Variants in GPC5 observed in about 807,000 individuals in gnomAD.
GPC5 encodes glypican 5, also known as glypican-5.
GPC5 carries 47 observed loss-of-function variants against 53.9 expected under a neutral mutation model. That is an observed-to-expected ratio of 0.87 (90% confidence interval 0.69 to 1.11). The LOEUF (loss-of-function observed/expected upper bound fraction) is 1.11. GPC5 is among the 50% of genes most tolerant of loss of function. The pLI, the probability that GPC5 is intolerant of heterozygous loss-of-function variation, is 0.00. For missense variants in GPC5, 748 were observed against 713.1 expected, an observed-to-expected ratio of 1.05 and a Z score of -0.56; for synonymous variants, 286 against 263.3, an observed-to-expected ratio of 1.09 and a Z score of -0.84.
intron 7 of GPC5, among the ~76,000 whole-genome samples, chr13:92,723,027 TA>T (rs894956231): frequency 2.6e-5 from 4 of 151,748 alleles, no homozygotes; most frequent in Non-Finnish European, 4.4e-5. Context: ...GATTTTGAAA[TA>T]GACAGAACCG....
At chr13:92,114,856 G>A (rs982843881) in intron 6 of GPC5, among the ~76,000 whole-genome samples, 1 of 152,180 alleles carries the variant, frequency 6.6e-6, no homozygotes, top group African/African-American at 2.4e-5. Context: ...GTAATGGGGA[G>A]TATTTTTCAA....
At chr13:91,458,373 C>T (rs991002839) in intron 2 of GPC5, among the ~76,000 whole-genome samples, 13 of 152,114 alleles carry the variant, frequency 8.5e-5, no homozygotes, top group African/African-American at 3.1e-4. Context: ...TGTCTTCCCA[C>T]AGCCAACATT....
intron 1 of GPC5, among the ~76,000 whole-genome samples, chr13:91,430,647 C>G (rs910950750): frequency 3.3e-5 from 5 of 152,144 alleles, no homozygotes; most frequent in Non-Finnish European, 7.4e-5. Context: ...AAGAAGCCTT[C>G]TGTAAAACTG....
intron 7 of GPC5, among the ~76,000 whole-genome samples, chr13:92,519,092 T>C (rs1375002018): frequency 6.6e-6 from 1 of 152,206 alleles, no homozygotes; most frequent in South Asian, 2.1e-4. Context: ...TCTTAATATA[T>C]ATGCACCCAA....
chr13:91,956,438 A>T lies in GPC5; in HGVS notation c.1401+48381A>T, dbSNP rs145278177. On this transcript the variant is annotated intron_variant, in intron 6 of 7. Coordinates refer to ENST00000377067, the MANE Select transcript of GPC5 (RefSeq NM_004466.6). ...CACTGCTGCTGCCATTGCTAATGCCATGTCATACTGCCTAGAAGCTTGAGG... is the reference window on the plus strand; with the variant it reads ...CACTGCTGCTGCCATTGCTAATGCCTTGTCATACTGCCTAGAAGCTTGAGG... 4.2e-4 allele frequency among the ~76,000 whole-genome samples: 64 copies of T among 152,268 alleles called. 1 individual carries two copies. In the East Asian group the frequency reaches 0.012, roughly 29 times the overall value.
intron 7 of GPC5, among the ~76,000 whole-genome samples, chr13:92,370,145 A>G (rs1460709546): frequency 3.9e-5 from 6 of 152,220 alleles, no homozygotes; most frequent in African/African-American, 1.4e-4. Flanking sequence ...ATCTTGATGA[A>G]ATGCACAGGA....
intron 5 of GPC5, among the ~76,000 whole-genome samples, chr13:91,790,048 T>A (rs1594566229): frequency 6.6e-6 from 1 of 152,216 alleles, no homozygotes; most frequent in Non-Finnish European, 1.5e-5. Flanking sequence ...GACTTAATCA[T>A]CTTAAAGGCG....
At chr13:92,162,309 TATTC>T (rs1325772291) in intron 7 of GPC5, among the ~76,000 whole-genome samples, 1 of 152,170 alleles carries the variant, frequency 6.6e-6, no homozygotes, top group Non-Finnish European at 1.5e-5. Context: ...TCCATTCATT[TATTC>T]ATTCAACAAA....
At chr13:92,255,743 T>C (rs1228468775) in intron 7 of GPC5, among the ~76,000 whole-genome samples, 3 of 152,140 alleles carry the variant, frequency 2.0e-5, no homozygotes, top group Non-Finnish European at 2.9e-5. Flanking sequence ...CTGGGACTCT[T>C]GGCTTCCAAG....
intron 7 of GPC5, among the ~76,000 whole-genome samples, chr13:92,611,526 T>G (rs1884435886): frequency 6.6e-6 from 1 of 152,178 alleles, no homozygotes; most frequent in Admixed American, 6.5e-5. Context: ...AAATTCACCT[T>G]CAAAAATCTA....
At chr13:91,551,858 T>C (rs2138828736) in intron 2 of GPC5, among the ~76,000 whole-genome samples, 1 of 152,182 alleles carries the variant, frequency 6.6e-6, no homozygotes, top group Non-Finnish European at 1.5e-5. Context: ...CATATAGATT[T>C]TTGGTAGCAA....
At chr13:91,834,036 T>A (rs1421003384) in intron 5 of GPC5, among the ~76,000 whole-genome samples, 2 of 152,192 alleles carry the variant, frequency 1.3e-5, no homozygotes, top group Non-Finnish European at 2.9e-5. Context: ...GATAAGCAAC[T>A]TCAGCAAAGT....
At chr13:92,794,773 T>A (rs1333777318) in intron 7 of GPC5, among the ~76,000 whole-genome samples, 4 of 152,026 alleles carry the variant, frequency 2.6e-5, no homozygotes. Context: ...ATGAGTGAAC[T>A]CCCATTCACC....
chr13:92,812,167 C>G (rs1299306037), intron 7 of GPC5, among the ~76,000 whole-genome samples: 1 of 151,864 alleles, frequency 6.6e-6, no homozygotes, highest in Admixed American at 6.6e-5. Flanking sequence ...CTATAGATCA[C>G]TTTGAGTAGT....
intron 7 of GPC5, among the ~76,000 whole-genome samples, chr13:92,369,265 C>T (rs888463056): frequency 2.0e-5 from 3 of 152,074 alleles, no homozygotes; most frequent in African/African-American, 7.2e-5. Context: ...TTCACTGCAC[C>T]CTCTGCCTTC....
intron 7 of GPC5, among the ~76,000 whole-genome samples, chr13:92,197,331 G>A (rs922459125): frequency 6.6e-5 from 10 of 152,112 alleles, no homozygotes; most frequent in Admixed American, 2.6e-4. Flanking sequence ...ATCTACATCC[G>A]TCTATATCTA....
chr13:92,471,669 T>C (rs1293476249), intron 7 of GPC5, among the ~76,000 whole-genome samples: 1 of 152,014 alleles, frequency 6.6e-6, no homozygotes, highest in Non-Finnish European at 1.5e-5. Context: ...ATGAGAGTAA[T>C]TAGGAGAATT....
rs536994897 is a variant in GPC5, at chr13:92,327,535, G to A, written c.1561+182546G>A. Among the ~76,000 whole-genome samples, 7 of 152,280 alleles carry A rather than the reference G, an allele frequency of 4.6e-5. No individual in the cohort carries two copies. The South Asian group carries it at 1.5e-3, about 32-fold the overall frequency. On this transcript the variant is annotated intron_variant, in intron 7 of 7. Transcript: ENST00000377067. ...TCAGAAGGACAAGTTCAGGGAAAAT[G>A]GTGCATCTGCTGGAGCAGGCAGAAT... is the stretch of plus-strand genomic sequence containing the variant.
chr13:91,629,459 A>G (rs2034098745), intron 2 of GPC5, among the ~76,000 whole-genome samples: 1 of 152,076 alleles, frequency 6.6e-6, no homozygotes, highest in Non-Finnish European at 1.5e-5. Flanking sequence ...CTTGGCCAAA[A>G]TGGTGAAACT....
Sources: allele counts gnomAD v4.1 joint callset (sites outside exome capture counted in the v4.1 genomes callset), GRCh38; gene constraint gnomAD v4.1.1; transcripts MANE v1.5; gene names NCBI Gene and HGNC (gene_info 2026-07-23, HGNC 2026-07-21).